Variants in WAPL observed in about 807,000 individuals in gnomAD.
WAPL encodes wings apart-like protein homolog.
A neutral mutation model predicts 121.0 loss-of-function variants in WAPL; 5 were observed. The observed-to-expected ratio is 0.04, with a 90% confidence interval of 0.02 to 0.09. The LOEUF (loss-of-function observed/expected upper bound fraction) is 0.09, where lower values mean the gene tolerates loss of function less well. Among genes scored for constraint, WAPL ranks in the 10% least tolerant of loss-of-function variants. WAPL has a pLI of 1.00. For synonymous variants in WAPL, 480 were observed against 481.5 expected (o/e 1.00, Z 0.04); for missense variants, 999 against 1,410.8 (o/e 0.71, Z 4.68).
chr10:86,465,837 C>T (rs1589508228), intron 9 of WAPL, among the ~76,000 whole-genome samples: 1 of 152,248 alleles, frequency 6.6e-6, no homozygotes, highest in Admixed American at 6.5e-5. Context: ...TTTGCATGGA[C>T]TTGTCCATTG....
intron 12 of WAPL, among the ~76,000 whole-genome samples, chr10:86,457,155 TA>T (rs930648522): frequency 6.6e-6 from 1 of 150,914 alleles, no homozygotes; most frequent in Non-Finnish European, 1.5e-5. Flanking sequence ...TAAGGAAGGG[TA>T]AAAACATGGT....
intron 2 of WAPL, among the ~76,000 whole-genome samples, chr10:86,509,765 GT>G (rs11307100): frequency 0.76 from 89,521 of 117,490 alleles, 32,910 homozygotes; most frequent in East Asian, 0.9. Flanking sequence ...AAGCTCTTTG[GT>G]TTTTTTTTTT....
At chr10:86,503,678 G>A (rs1044150752) in intron 2 of WAPL, among the ~76,000 whole-genome samples, 6 of 151,274 alleles carry the variant, frequency 4.0e-5, no homozygotes, top group South Asian at 2.1e-4. Flanking sequence ...GCGTGAACCC[G>A]GAAGGCGGAG....
intron 8 of WAPL, among the ~76,000 whole-genome samples, chr10:86,470,610 A>C (rs367940847): frequency 6.6e-6 from 1 of 152,226 alleles, no homozygotes; most frequent in African/African-American, 2.4e-5. Flanking sequence ...TTTCTAAAAA[A>C]TTAGGGCTGC....
chr10:86,518,961 T>G (rs1842615015), intron 1 of WAPL, among the ~76,000 whole-genome samples: 1 of 152,222 alleles, frequency 6.6e-6, no homozygotes, highest in Non-Finnish European at 1.5e-5. Context: ...CCTATCTGCC[T>G]TGTCCCGATA....
intron 2 of WAPL, among the ~76,000 whole-genome samples, chr10:86,505,340 G>A (rs1203762089): frequency 2.2e-5 from 2 of 91,634 alleles, no homozygotes; most frequent in African/African-American, 8.2e-5. Context: ...ACAGAGTCTT[G>A]CTCTGTCAAT....
intron 9 of WAPL, among the ~76,000 whole-genome samples, chr10:86,462,857 T>G (rs1031009736): frequency 1.3e-5 from 2 of 152,144 alleles, no homozygotes; most frequent in African/African-American, 4.8e-5. Context: ...GGTTCGTGTG[T>G]GTTAATTCAT....
chr10:86,495,867 C>A (rs1842139835), intron 4 of WAPL, among the ~76,000 whole-genome samples: 2 of 152,174 alleles, frequency 1.3e-5, no homozygotes, highest in African/African-American at 4.8e-5. Flanking sequence ...GTAATCCCAG[C>A]ACTCTGGGAC....
intron 15 of WAPL, among the ~76,000 whole-genome samples, chr10:86,450,419 A>G (rs899283986): frequency 2.0e-5 from 3 of 152,084 alleles, no homozygotes; most frequent in African/African-American, 7.2e-5. Context: ...TATTTTTTGT[A>G]CAGACAGGAT....
At chr10:86,509,736 T>C (rs1424014693) in intron 2 of WAPL, among the ~76,000 whole-genome samples, 3 of 150,790 alleles carry the variant, frequency 2.0e-5, no homozygotes, top group Non-Finnish European at 4.4e-5. Flanking sequence ...GAAAAATTCA[T>C]GAGGTATCAT....
chr10:86,438,271 T>TTTA (rs1554825066), intron 17 of WAPL, among the ~76,000 whole-genome samples: 1 of 148,312 alleles, frequency 6.7e-6, no homozygotes. Flanking sequence ...TTTTTTTTTT[T>TTTA]AAATGAAACA....
At chr10:86,508,174 T>G (rs1409473452) in intron 2 of WAPL, among the ~76,000 whole-genome samples, 1 of 152,134 alleles carries the variant, frequency 6.6e-6, no homozygotes, top group African/African-American at 2.4e-5. Flanking sequence ...ATTCTCCCAC[T>G]TTAAGTAACA....
chr10:86,480,185 T>A (rs1841750532), intron 4 of WAPL, among the ~76,000 whole-genome samples: 1 of 152,236 alleles, frequency 6.6e-6, no homozygotes, highest in Non-Finnish European at 1.5e-5. Context: ...CTTTCTTCTC[T>A]GCCCGAATCA....
At chr10:86,505,300 CTTTTTTTTTTTT>C (rs531404303) in intron 2 of WAPL, among the ~76,000 whole-genome samples, 14 of 44,646 alleles carry the variant, frequency 3.1e-4, no homozygotes, top group South Asian at 1.9e-3. Context: ...GTGCCCAACT[CTTTTTTTTTTTT>C]TTTTTTTTTT....
chr10:86,485,299 T>C (rs567858350), intron 4 of WAPL, among the ~76,000 whole-genome samples: 4 of 152,002 alleles, frequency 2.6e-5, no homozygotes, highest in Admixed American at 2.0e-4. Flanking sequence ...TCCCAGCACA[T>C]TGGGAGGCCG....
At chr10:86,484,589 T>TA (rs1841885787) in intron 4 of WAPL, among the ~76,000 whole-genome samples, 1 of 152,230 alleles carries the variant, frequency 6.6e-6, no homozygotes, top group Admixed American at 6.5e-5. Context: ...AGCATACGTG[T>TA]ACAGTCTTTA....
At chr10:86,450,696 C>T (rs938127626) in intron 15 of WAPL, among the ~76,000 whole-genome samples, 1 of 152,116 alleles carries the variant, frequency 6.6e-6, no homozygotes, top group Admixed American at 6.5e-5. Flanking sequence ...ATTACTACTA[C>T]CATTTACTAT....
At chr10:86,509,550 A>C (rs1394168423) in intron 2 of WAPL, among the ~76,000 whole-genome samples, 1 of 152,128 alleles carries the variant, frequency 6.6e-6, no homozygotes, top group African/African-American at 2.4e-5. Context: ...TGTTTATTCT[A>C]TCTTCCCCAG....
intron 12 of WAPL, among the ~76,000 whole-genome samples, chr10:86,455,239 A>G (rs1320255895): frequency 6.6e-6 from 1 of 152,254 alleles, no homozygotes; most frequent in East Asian, 1.9e-4. Flanking sequence ...GTTTTGTCGA[A>G]CAGAAAAGGG....
Sources: gnomAD v4.1 joint callset for allele counts (sites outside exome capture counted in the v4.1 genomes callset) on GRCh38, gnomAD v4.1.1 for gene constraint, MANE v1.5 for transcripts, NCBI Gene and HGNC (gene_info 2026-07-23, HGNC 2026-07-21) for gene names.